Variants in UGT1A4 observed in about 807,000 individuals in gnomAD.
UGT1A4 encodes UDP-glucuronosyltransferase 1A4.
Under a neutral mutation model 41.1 loss-of-function variants are expected in UGT1A4, and 32 were observed. That is an observed-to-expected ratio of 0.78 (90% CI 0.59 to 1.05). The LOEUF (loss-of-function observed/expected upper bound fraction) is 1.05. Among genes scored for constraint, UGT1A4 ranks in the 50% least tolerant of loss-of-function variants. The probability of loss-of-function intolerance (pLI) is 0.00; values close to 1 mark genes in which losing one functional copy is unlikely to be tolerated. For synonymous variants in UGT1A4, 283 were observed against 265.1 expected (o/e 1.07, Z -0.66); for missense variants, 748 against 677.4 (o/e 1.10, Z -1.16).
chr2:233,764,393 C>G (rs1698551622), intron 1 of UGT1A4, among the ~76,000 whole-genome samples: 7 of 152,218 alleles, frequency 4.6e-5, no homozygotes. Context: ...GCCGTGATGA[C>G]AACTTCTCTG....
chr2:233,764,333 T>C (rs1001712287), intron 1 of UGT1A4, among the ~76,000 whole-genome samples: 8 of 152,206 alleles, frequency 5.3e-5, no homozygotes, highest in African/African-American at 1.9e-4. Flanking sequence ...AAGTAGGGGA[T>C]GGACTTCACC....
intron 1 of UGT1A4, 57 bp from the exon 2 acceptor site, chr2:233,766,977 T>C: frequency 1.2e-6 from 2 of 1,612,554 alleles, no homozygotes; most frequent in Non-Finnish European, 1.7e-6. Context: ...ACTTACTGTA[T>C]GTAGTCATCA....
At chr2:233,734,012 C>T (rs930293751) in intron 1 of UGT1A4, among the ~76,000 whole-genome samples, 5 of 151,904 alleles carry the variant, frequency 3.3e-5, no homozygotes, top group East Asian at 1.9e-4. Flanking sequence ...TGTTAAATGA[C>T]GAGTTAATGG....
At chr2:233,756,223 T>G (rs1194154122) in intron 1 of UGT1A4, 1 of 152,204 alleles carries the variant, frequency 6.6e-6, no homozygotes, top group Non-Finnish European at 1.5e-5. Context: ...AAGGGATTAG[T>G]TTAGGACAAC....
chr2:233,772,284 C>T lies in UGT1A4; in HGVS notation c.1330C>T (p.Leu444Phe), dbSNP rs1445186018. 3.1e-6 allele frequency: 5 copies of T among 1,614,128 alleles called. No homozygotes were observed. Among genetic ancestry groups the T allele is most frequent in the African/African-American group, 1.3e-5 (1 of 74,936 alleles). The change falls in exon 5 of 5, where the codon CTC becomes TTC. Residue 444 changes from leucine to phenylalanine, a missense_variant. Physicochemically the swap from Leu to Phe is conservative, Grantham distance 22. Transcript: ENST00000373409. ...TAGTTACAAGGAGAACATCATGCGC[C>T]TCTCCAGCCTTCACAAGGACCGCCC... Reference protein sequence around the residue: ...DKSYKENIMRLSSLHKDRPVE... With the variant: ...DKSYKENIMRFSSLHKDRPVE...
chr2:233,738,397 G>A (rs1161112118), intron 1 of UGT1A4, among the ~76,000 whole-genome samples: 2 of 152,236 alleles, frequency 1.3e-5, no homozygotes, highest in Non-Finnish European at 2.9e-5. Context: ...AAGTGACTTG[G>A]AACTGGGTAA....
chr2:233,726,889 C>T (rs1279562155), intron 1 of UGT1A4, among the ~76,000 whole-genome samples: 1 of 152,192 alleles, frequency 6.6e-6, no homozygotes, highest in Non-Finnish European at 1.5e-5. Context: ...GAGCTATCAG[C>T]TTACCATTCA....
At chr2:233,749,019 A>C (rs1274313061) in intron 1 of UGT1A4, among the ~76,000 whole-genome samples, 1 of 151,468 alleles carries the variant, frequency 6.6e-6, no homozygotes, top group Non-Finnish European at 1.5e-5. Context: ...TTAATCCAGA[A>C]TATTTGGGGT....
At chr2:233,729,448 A>C in intron 1 of UGT1A4, 2 of 1,614,064 alleles carry the variant, frequency 1.2e-6, no homozygotes, top group South Asian at 2.2e-5. Context: ...ACATTTTCTG[A>C]AGAAATTTTT....
chr2:233,768,921 A>G (rs1482131176), intron 4 of UGT1A4, among the ~76,000 whole-genome samples: 4 of 152,000 alleles, frequency 2.6e-5, no homozygotes, highest in Non-Finnish European at 2.9e-5. Context: ...GTTATTATTC[A>G]CTTTATAAAA....
At chr2:233,737,053 G>A (rs2078838819) in intron 1 of UGT1A4, among the ~76,000 whole-genome samples, 1 of 152,218 alleles carries the variant, frequency 6.6e-6, no homozygotes, top group Non-Finnish European at 1.5e-5. Context: ...CATACTAGGA[G>A]AACGAGTGCT....
intron 1 of UGT1A4, chr2:233,747,713 T>A (rs1051640547): frequency 6.2e-7 from 1 of 1,613,024 alleles, no homozygotes; most frequent in African/African-American, 1.3e-5. Context: ...ACCTATCAAT[T>A]CCTGCTGTGT....
At chr2:233,754,990 G>A (rs1695677105) in intron 1 of UGT1A4, 1 of 1,294,272 alleles carries the variant, frequency 7.7e-7, no homozygotes, top group Non-Finnish European at 1.0e-6. Context: ...GCGGGGTCAC[G>A]GAAGCTGAAG....
intron 1 of UGT1A4, among the ~76,000 whole-genome samples, chr2:233,761,350 G>A (rs572501988): frequency 2.6e-5 from 4 of 152,266 alleles, no homozygotes; most frequent in South Asian, 2.1e-4. Context: ...CTGAGATTTC[G>A]GGAAAGCATT....
rs541267003 is a variant in UGT1A4, at chr2:233,744,012, G to T, written c.868-23022G>T. 67 of 1,089,588 alleles carry T rather than the reference G, an allele frequency of 6.1e-5. 1 individual carries two copies. Among genetic ancestry groups the T allele is most frequent in the Non-Finnish European group, 7.2e-5 (60 of 828,198 alleles). The allele number at this position is 1,089,588 out of a possible 1,614,324, so 67.5% of individuals were successfully genotyped here. ...GCCCGAGTGCTCGGAGACCTGGGCC[G>T]CCTGGAGAGACGCCCCTTATGACGC... On this transcript the variant is annotated intron_variant, in intron 1 of 4. Transcript: ENST00000373409.
chr2:233,745,665 C>T (rs932654407), intron 1 of UGT1A4, among the ~76,000 whole-genome samples: 2 of 150,144 alleles, frequency 1.3e-5, no homozygotes, highest in South Asian at 4.2e-4. Context: ...GTGAACAAAG[C>T]AATTTGGGAA....
At chr2:233,729,344 A>G in intron 1 of UGT1A4, 1 of 1,614,144 alleles carries the variant, frequency 6.2e-7, no homozygotes, top group Non-Finnish European at 8.5e-7. Flanking sequence ...AAAGAAGAGA[A>G]CTTTTTCACC....
chr2:233,744,850 C>T (rs534580707), intron 1 of UGT1A4, among the ~76,000 whole-genome samples: 1 of 152,016 alleles, frequency 6.6e-6, no homozygotes, highest in African/African-American at 2.4e-5. Context: ...GCAGAGTAGT[C>T]CTTGGTATTC....
Position 233,761,237 on chromosome 2 carries a change from G to A in UGT1A4, c.868-5797G>A, listed in dbSNP as rs1002651373. 1.9e-6 allele frequency: 3 copies of A among 1,612,296 alleles called. No homozygotes were observed. The African/African-American group carries it at 4.0e-5, about 22-fold the overall frequency. Reference sequence around the variant, plus strand: ...GATTAACTAGCCCCAGATATATGCTGAGCAAGCATTCTGAGATAATTTAAA... The same window carrying A: ...GATTAACTAGCCCCAGATATATGCTAAGCAAGCATTCTGAGATAATTTAAA... On this transcript the variant is annotated intron_variant, in intron 1 of 4. Coordinates refer to ENST00000373409, the MANE Select transcript of UGT1A4 (RefSeq NM_007120.3).
Sources: gnomAD v4.1 joint callset for allele counts (sites outside exome capture counted in the v4.1 genomes callset) on GRCh38, gnomAD v4.1.1 for gene constraint, MANE v1.5 for transcripts, NCBI Gene and HGNC (gene_info 2026-07-23, HGNC 2026-07-21) for gene names.